The following SHISA9 variants were observed in gnomAD, a reference collection of about 807,000 sequenced individuals.
The protein encoded by SHISA9 is protein shisa-9.
SHISA9 carries 13 observed loss-of-function variants against 38.0 expected under a neutral mutation model. That is an observed-to-expected ratio of 0.34 (90% CI 0.22 to 0.54). The LOEUF (loss-of-function observed/expected upper bound fraction) is 0.54. Ranked by LOEUF, SHISA9 falls within the 20% of genes least tolerant of loss-of-function variation. The probability of loss-of-function intolerance (pLI) is 0.91; values close to 1 mark genes in which losing one functional copy is unlikely to be tolerated. For missense variants in SHISA9, 538 were observed against 575.8 expected (o/e 0.93, Z 0.67); for synonymous variants, 275 against 242.0 (o/e 1.14, Z -1.27).
rs866960748 is a variant in SHISA9, at chr16:12,970,458, T to C, written c.691+53643T>C. Among the ~76,000 whole-genome samples, 63 of 67,050 alleles carry C rather than the reference T, an allele frequency of 9.4e-4. 4 individuals are homozygous for C. The highest frequency in any genetic ancestry group is 3.8e-3 in the African/African-American group (52 of 13,642). The allele number at this position is 67,050 out of a possible 152,430, so 44.0% of individuals were successfully genotyped here. On this transcript the variant is annotated intron_variant, in intron 2 of 4. Transcript: ENST00000558583. The stretch of plus-strand genomic sequence containing the variant: ...ATATATACACACATATATATATACA[T>C]ATATGTGTGTGTATATATATATATA...
chr16:13,143,629 A>G (rs1038779543), intron 2 of SHISA9, among the ~76,000 whole-genome samples: 1 of 152,198 alleles, frequency 6.6e-6, no homozygotes, highest in Non-Finnish European at 1.5e-5. Context: ...TGTATAAACC[A>G]TCATGCAAAT....
chr16:13,460,787 C>A, the SHISA9 span, among the ~76,000 whole-genome samples: 1 of 152,098 alleles, frequency 6.6e-6, no homozygotes, highest in Non-Finnish European at 1.5e-5. Context: ...TGTCCTAGGT[C>A]GACTACAGCT....
the SHISA9 span, among the ~76,000 whole-genome samples, chr16:13,481,088 T>A: frequency 2.0e-5 from 3 of 152,216 alleles, no homozygotes; most frequent in Admixed American, 6.5e-5. Flanking sequence ...GACACCAGAG[T>A]TGGGGCTGAC....
the SHISA9 span, among the ~76,000 whole-genome samples, chr16:13,484,980 A>G: frequency 0.013 from 1,994 of 151,962 alleles, 53 homozygotes; most frequent in African/African-American, 0.046. Flanking sequence ...CCTGCATGGT[A>G]TGTGTATCAG....
rs377724068 is a variant in SHISA9, at chr16:13,061,366, A to G, written c.692-142028A>G. The stretch of plus-strand genomic sequence containing the variant: ...AAATAGTTTTGATGCCTATTCTCCC[A>G]TTTAGAGTTATATAATCCTTTTTTT... On this transcript the variant is annotated intron_variant, in intron 2 of 4. Coordinates refer to ENST00000558583, the MANE Select transcript of SHISA9 (RefSeq NM_001145204.3). Among the ~76,000 whole-genome samples, 76 of 152,334 alleles carry G rather than the reference A, an allele frequency of 5.0e-4. 1 individual carries two copies. The South Asian group carries it at 0.015, about 30-fold the overall frequency.
At chr16:13,206,030 G>T (rs1462921140) in intron 3 of SHISA9, among the ~76,000 whole-genome samples, 3 of 151,540 alleles carry the variant, frequency 2.0e-5, no homozygotes, top group Non-Finnish European at 4.4e-5. Flanking sequence ...CTCCCAAAGT[G>T]CTGAGATTAC....
intron 4 of SHISA9, among the ~76,000 whole-genome samples, chr16:13,227,984 G>T (rs1483968952): frequency 6.6e-6 from 1 of 152,178 alleles, no homozygotes; most frequent in African/African-American, 2.4e-5. Context: ...CAGGGAATAG[G>T]TAAAATATAG....
the SHISA9 span, among the ~76,000 whole-genome samples, chr16:13,489,117 G>C: frequency 1.3e-5 from 2 of 152,020 alleles, no homozygotes; most frequent in African/African-American, 4.8e-5. Context: ...CACTATCTCA[G>C]CTCACTACAA....
chr16:13,257,656 C>T, the SHISA9 span, among the ~76,000 whole-genome samples: 1 of 152,162 alleles, frequency 6.6e-6, no homozygotes, highest in Admixed American at 6.6e-5. Flanking sequence ...CTAAGAAATA[C>T]TCCACATGTC....
the SHISA9 span, among the ~76,000 whole-genome samples, chr16:13,483,587 G>A: frequency 3.3e-5 from 5 of 151,958 alleles, no homozygotes; most frequent in South Asian, 1.0e-3. Flanking sequence ...CAGGCCTCAG[G>A]AAACAGAAGC....
At chr16:13,109,847 A>AT (rs1489732473) in intron 2 of SHISA9, among the ~76,000 whole-genome samples, 25 of 152,100 alleles carry the variant, frequency 1.6e-4, no homozygotes, top group African/African-American at 6.0e-4. Flanking sequence ...TAAATTCTTC[A>AT]TTTTTTATTG....
the SHISA9 span, among the ~76,000 whole-genome samples, chr16:13,282,254 AT>A: frequency 6.6e-6 from 1 of 151,904 alleles, no homozygotes; most frequent in East Asian, 1.9e-4. Context: ...TTTGAAGGCT[AT>A]TTTTGCTGTA....
At chr16:13,313,016 G>A in the SHISA9 span, among the ~76,000 whole-genome samples, 2 of 151,920 alleles carry the variant, frequency 1.3e-5, no homozygotes, top group Non-Finnish European at 2.9e-5. Flanking sequence ...AGCACTTTGG[G>A]AGGCCGAGGC....
rs1185051795 is a variant in SHISA9 at position 13,167,076 on chromosome 16, T to TC, written c.692-36318_692-36317insC. 1.5e-3 allele frequency among the ~76,000 whole-genome samples: 218 copies of TC among 144,088 alleles called. 4 individuals carry two copies. Among genetic ancestry groups the TC allele is most frequent in the African/African-American group, 4.5e-3 (180 of 40,036 alleles). 94.5% of individuals were successfully genotyped at this position (144,088 alleles called of 152,430 possible). Reference sequence around the variant, plus strand: ...TTCTCTCTCTCTCTCTTTTTTCTTTTTTTTTTTTTTTTTGAGACAGAGTTT... The same window carrying TC: ...TTCTCTCTCTCTCTCTTTTTTCTTTTCTTTTTTTTTTTTTGAGACAGAGTTT... On this transcript the variant is annotated intron_variant, in intron 2 of 4. Transcript: ENST00000558583.
At chr16:13,145,649 G>A (rs991523004) in intron 2 of SHISA9, among the ~76,000 whole-genome samples, 1 of 152,200 alleles carries the variant, frequency 6.6e-6, no homozygotes, top group African/African-American at 2.4e-5. Flanking sequence ...TTTGTTGAGA[G>A]AATTAAAGAT....
the SHISA9 span, among the ~76,000 whole-genome samples, chr16:13,423,676 G>A: frequency 1.3e-5 from 2 of 152,192 alleles, no homozygotes; most frequent in Admixed American, 6.5e-5. Context: ...ATCCCTGGGT[G>A]CTCTGCTCAG....
the SHISA9 span, among the ~76,000 whole-genome samples, chr16:13,495,434 G>T: frequency 2.0e-5 from 3 of 151,988 alleles, no homozygotes; most frequent in African/African-American, 7.2e-5. Context: ...ATATACCAAA[G>T]AATCCCAATT....
At chr16:13,163,672 A>G (rs986459591) in intron 2 of SHISA9, among the ~76,000 whole-genome samples, 1 of 152,040 alleles carries the variant, frequency 6.6e-6, no homozygotes, top group African/African-American at 2.4e-5. Flanking sequence ...CTCTCAGTAA[A>G]GTTTTTATAG....
the SHISA9 span, among the ~76,000 whole-genome samples, chr16:13,276,270 T>TATATATATATATA: frequency 6.6e-6 from 1 of 151,808 alleles, no homozygotes; most frequent in African/African-American, 2.4e-5. Flanking sequence ...CTGCATAGTA[T>TATATATATATATA]TCCATCATAT....
Sources: allele counts gnomAD v4.1 joint callset (sites outside exome capture counted in the v4.1 genomes callset), GRCh38; gene constraint gnomAD v4.1.1; transcripts MANE v1.5; gene names NCBI Gene and HGNC (gene_info 2026-07-23, HGNC 2026-07-21).